Variants in HEATR5A observed in about 807,000 individuals in gnomAD.
HEATR5A encodes HEAT repeat-containing protein 5A.
In HEATR5A, 178 loss-of-function variants were observed where a neutral mutation model predicts 218.8. That is an observed-to-expected ratio of 0.81 (90% CI 0.72 to 0.92). The LOEUF (loss-of-function observed/expected upper bound fraction) is 0.92. Ranked by LOEUF, HEATR5A falls within the 40% of genes least tolerant of loss-of-function variation. HEATR5A has a pLI of 0.00. For synonymous variants in HEATR5A, 864 were observed against 871.6 expected, an observed-to-expected ratio of 0.99 and a Z score of 0.15; for missense variants, 2,420 against 2,418.9, an observed-to-expected ratio of 1.00 and a Z score of -0.01.
chr14:31,293,451 C>G lies in HEATR5A; in HGVS notation c.5995G>C (p.Val1999Leu), dbSNP rs1899079745. The change falls in exon 36 of 36, where the codon GTG becomes CTG. Residue 1999 changes from valine to leucine, a missense_variant. Transcript: ENST00000543095. Reference sequence around the variant, plus strand: ...GCTTTTAGGGCTGGAGAAGAAGCCACTAAACTTTTAAAAACAGATGAATAC... The same window carrying G: ...GCTTTTAGGGCTGGAGAAGAAGCCAGTAAACTTTTAAAAACAGATGAATAC... ...PQYSSVFKSL[V>L]ASSPALKARL... 1 of 1,613,850 alleles carries G rather than the reference C, an allele frequency of 6.2e-7. No individual in the cohort carries two copies. The highest frequency in any genetic ancestry group is 1.1e-5 in the South Asian group (1 of 91,090).
chr14:31,334,587 T>C (rs1900586642), intron 22 of HEATR5A: 2 of 358,592 alleles, frequency 5.6e-6, no homozygotes, highest in South Asian at 2.1e-5. Flanking sequence ...AAGCATTGCA[T>C]GTTACAGAGT....
intron 1 of HEATR5A, among the ~76,000 whole-genome samples, chr14:31,415,853 A>G (rs2031425535): frequency 6.6e-6 from 1 of 152,242 alleles, no homozygotes; most frequent in South Asian, 2.1e-4. Flanking sequence ...AAGAAGCATT[A>G]CTTGGGCAAT....
intron 22 of HEATR5A, among the ~76,000 whole-genome samples, chr14:31,333,220 C>T (rs1029333459): frequency 3.3e-5 from 5 of 152,080 alleles, no homozygotes; most frequent in South Asian, 2.1e-4. Flanking sequence ...AGCCAGAAGA[C>T]GTAGCTAAGG....
chr14:31,319,026 A>G (rs781555977), intron 25 of HEATR5A, among the ~76,000 whole-genome samples: 14 of 152,206 alleles, frequency 9.2e-5, no homozygotes, highest in Admixed American at 3.9e-4. Context: ...ATTCCTAATA[A>G]TAATTTTCCT....
chr14:31,412,064 C>T (rs1018429649), intron 1 of HEATR5A, among the ~76,000 whole-genome samples: 2 of 152,100 alleles, frequency 1.3e-5, no homozygotes, highest in African/African-American at 4.8e-5. Flanking sequence ...CCATGTTGAC[C>T]AGGCTGGTCT....
At chr14:31,337,196 A>C (rs1595111979) in intron 22 of HEATR5A, among the ~76,000 whole-genome samples, 1 of 152,112 alleles carries the variant, frequency 6.6e-6, no homozygotes, top group African/African-American at 2.4e-5. Flanking sequence ...GCCAGGTAAT[A>C]CTCCCAGATT....
At chr14:31,387,563 ATT>A (rs56997456) in intron 7 of HEATR5A, among the ~76,000 whole-genome samples, 188 bp from the exon 8 acceptor site, 3 of 143,944 alleles carry the variant, frequency 2.1e-5, no homozygotes, top group African/African-American at 2.5e-5. Flanking sequence ...ACTGAAGTGC[ATT>A]TTTTTTTTTT....
chr14:31,298,641 C>T (rs967515630), intron 33 of HEATR5A, among the ~76,000 whole-genome samples: 1 of 150,826 alleles, frequency 6.6e-6, no homozygotes, highest in Non-Finnish European at 1.5e-5. Context: ...CCATCCTTAC[C>T]TGCTGTTCTT....
chr14:31,395,342 C>A lies in HEATR5A; in HGVS notation c.454G>T (p.Gly152Cys). The A allele has an allele frequency of 6.7e-7, 1 of 1,496,734 alleles. No individual in the cohort carries two copies. The highest frequency in any genetic ancestry group is 1.3e-5 in the South Asian group (1 of 78,896). 92.7% of individuals were successfully genotyped at this position (1,496,734 alleles called of 1,614,324 possible). ...AGACTTAGCATAATCTCATATCGGCCTTGAGACTTCCAAAAAGAAAAAAAA... is the reference window on the plus strand; with the variant it reads ...AGACTTAGCATAATCTCATATCGGCATTGAGACTTCCAAAAAGAAAAAAAA... ...LKAMKSAESQ[G>C]RYEIMLSLQN... The change falls in exon 5 of 36, where the codon GGC becomes TGC. Residue 152 changes from glycine (G) to cysteine (C), a missense_variant. Transcript: ENST00000543095.
chr14:31,341,472 T>C (rs575791211), intron 21 of HEATR5A, among the ~76,000 whole-genome samples: 3 of 152,186 alleles, frequency 2.0e-5, no homozygotes, highest in African/African-American at 4.8e-5. Context: ...TGGCTCACTG[T>C]TGCCTCAACA....
intron 10 of HEATR5A, among the ~76,000 whole-genome samples, chr14:31,382,370 A>G (rs1021379178): frequency 3.9e-5 from 6 of 152,220 alleles, no homozygotes; most frequent in Non-Finnish European, 5.9e-5. Context: ...CAGAGCCTAC[A>G]CTATGGTGGA....
chr14:31,342,216 G>A (rs753894829), intron 21 of HEATR5A, among the ~76,000 whole-genome samples: 2 of 151,922 alleles, frequency 1.3e-5, no homozygotes, highest in Admixed American at 6.6e-5. Flanking sequence ...GCAAGACCCT[G>A]TCTCTACAAA....
chr14:31,313,213 C>T (rs1212021300), intron 27 of HEATR5A, 23 bp from the exon 28 acceptor site: 2 of 1,554,398 alleles, frequency 1.3e-6, no homozygotes, highest in Non-Finnish European at 8.8e-7. Flanking sequence ...AATTTAAAAA[C>T]AGGAAAATCT....
In HEATR5A at chr14:31,305,132, T is replaced by G. The variant is rs779526737; in HGVS notation, c.5012A>C (p.Glu1671Ala). 6.2e-7 allele frequency: 1 copy of G among 1,613,834 alleles called. No homozygotes were observed. The highest frequency in any genetic ancestry group is 1.3e-5 in the African/African-American group (1 of 74,918). ...CACAAGTCCTCCGGTGTCCTTTCCCTCTCCAAACTCTGGCAGAGTTTCCTT... is the reference window on the plus strand; with the variant it reads ...CACAAGTCCTCCGGTGTCCTTTCCCGCTCCAAACTCTGGCAGAGTTTCCTT... Reference protein sequence around the residue: ...AEKETLPEFGEGKDTGGLVPG... With the variant: ...AEKETLPEFGAGKDTGGLVPG... Residue 1671 changes from glutamate (E) to alanine (A), a missense_variant, in exon 32 of 36, where the codon GAG becomes GCG. Physicochemically the swap from Glu to Ala is moderately radical, Grantham distance 107 (BLOSUM62 -1). Coordinates refer to ENST00000543095, the MANE Select transcript of HEATR5A (RefSeq NM_015473.4).
intron 18 of HEATR5A, among the ~76,000 whole-genome samples, chr14:31,348,196 A>G (rs1038587301): frequency 1.3e-5 from 2 of 152,190 alleles, no homozygotes; most frequent in African/African-American, 4.8e-5. Context: ...GATAAGCATT[A>G]TTATTACTTT....
intron 14 of HEATR5A, among the ~76,000 whole-genome samples, chr14:31,362,606 C>CA (rs71115003): frequency 0.34 from 15,128 of 44,996 alleles, 2,447 homozygotes; most frequent in Non-Finnish European, 0.36. Context: ...CTACAAATGA[C>CA]AAAAAAAAAA....
intron 26 of HEATR5A, among the ~76,000 whole-genome samples, chr14:31,317,294 ATTTTTTT>A (rs35394095): frequency 3.1e-5 from 2 of 64,120 alleles, no homozygotes; most frequent in African/African-American, 6.4e-5. Context: ...CCCGGGCTAG[ATTTTTTT>A]TTTTTTTTTT....
intron 28 of HEATR5A, among the ~76,000 whole-genome samples, chr14:31,310,412 G>A (rs1899705668): frequency 6.6e-6 from 1 of 152,148 alleles, no homozygotes; most frequent in Middle Eastern, 3.2e-3. Flanking sequence ...GGCTGAGGCA[G>A]GCAGATCACC....
At chr14:31,324,353 C>T (rs958777621) in intron 23 of HEATR5A, among the ~76,000 whole-genome samples, 3 of 152,190 alleles carry the variant, frequency 2.0e-5, no homozygotes, top group African/African-American at 7.2e-5. Context: ...GAATTATCTC[C>T]TCTACTTATT....
Sources: allele counts gnomAD v4.1 joint callset (sites outside exome capture counted in the v4.1 genomes callset), GRCh38; gene constraint gnomAD v4.1.1; transcripts MANE v1.5; gene names NCBI Gene and HGNC (gene_info 2026-07-23, HGNC 2026-07-21).